Variants in KCNMB2 observed in about 807,000 individuals in gnomAD.
KCNMB2 encodes the protein potassium calcium-activated channel subfamily M regulatory beta subunit 2, also known as calcium-activated potassium channel subunit beta-2.
Under a neutral mutation model 24.5 loss-of-function variants are expected in KCNMB2, and 9 were observed. The observed-to-expected ratio is 0.37, with a 90% CI of 0.22 to 0.64. KCNMB2 has a LOEUF of 0.64. Among genes scored for constraint, KCNMB2 ranks in the 30% least tolerant of loss-of-function variants. The pLI, the probability that KCNMB2 is intolerant of heterozygous loss-of-function variation, is 0.63. For missense variants in KCNMB2, 226 were observed against 284.3 expected (o/e 0.79, Z 1.47); for synonymous variants, 109 against 104.4 (o/e 1.04, Z -0.27).
At chr3:178,582,541 C>A (rs1717254862) in intron 1 of KCNMB2, among the ~76,000 whole-genome samples, 1 of 152,012 alleles carries the variant, frequency 6.6e-6, no homozygotes, top group African/African-American at 2.4e-5. Context: ...AGGAGCATAA[C>A]AAATATTTTA....
intron 4 of KCNMB2, among the ~76,000 whole-genome samples, chr3:178,838,980 A>C (rs1715332158): frequency 6.6e-6 from 1 of 152,220 alleles, no homozygotes; most frequent in South Asian, 2.1e-4. Flanking sequence ...ACAGTGTTTC[A>C]ACTCACACTA....
At chr3:178,584,825 T>G (rs2108492949) in intron 1 of KCNMB2, among the ~76,000 whole-genome samples, 1 of 152,286 alleles carries the variant, frequency 6.6e-6, no homozygotes, top group Admixed American at 6.5e-5. Context: ...ATTCACTCTC[T>G]TGATAGAAAG....
chr3:178,731,399 C>T (rs1282762523), intron 1 of KCNMB2, among the ~76,000 whole-genome samples: 11 of 152,286 alleles, frequency 7.2e-5, no homozygotes, highest in Admixed American at 2.6e-4. Flanking sequence ...GTGTATTATA[C>T]GATAGTTAGC....
chr3:178,714,260 C>T, intron 1 of KCNMB2, among the ~76,000 whole-genome samples: 1 of 152,188 alleles, frequency 6.6e-6, no homozygotes, highest in African/African-American at 2.4e-5. Flanking sequence ...TTCCTTCAGA[C>T]CTGCTATGCA....
At chr3:178,828,401 T>TACA (rs1714919773) in intron 4 of KCNMB2, 28 bp downstream of exon 4, 1 of 1,559,066 alleles carries the variant, frequency 6.4e-7, no homozygotes, top group African/African-American at 1.4e-5. Context: ...TGCATTTCAG[T>TACA]TACCCCACAG....
intron 1 of KCNMB2, among the ~76,000 whole-genome samples, chr3:178,663,111 C>T (rs1720593192): frequency 1.3e-5 from 2 of 152,086 alleles, no homozygotes; most frequent in South Asian, 4.1e-4. Flanking sequence ...CTCCGTTGGT[C>T]CCTCATCTTC....
intron 1 of KCNMB2, among the ~76,000 whole-genome samples, chr3:178,604,006 C>T (rs1718188134): frequency 6.6e-6 from 1 of 152,086 alleles, no homozygotes; most frequent in Non-Finnish European, 1.5e-5. Context: ...AGCCGTTTCC[C>T]AGAGACACAG....
At position 178,728,104 on chromosome 3, in the gene KCNMB2, G is replaced by A. The variant is rs558288461; in HGVS notation, c.-67-79239G>A. ...TCATTAATCACCCAAAATTGTTGTT[G>A]CATCATCACTCACACCAGCCTCTGG... On this transcript the variant is annotated intron_variant, in intron 1 of 4. Transcript: ENST00000452583. Among the ~76,000 whole-genome samples the A allele has an allele frequency of 2.0e-5, 3 of 152,254 alleles. No individual in the cohort carries two copies. The South Asian group carries it at 6.2e-4, about 32-fold the overall frequency.
At chr3:178,666,875 C>T (rs12185938) in intron 1 of KCNMB2, among the ~76,000 whole-genome samples, 40,744 of 151,984 alleles carry the variant, frequency 0.27, 6,294 homozygotes, top group African/African-American at 0.42. Flanking sequence ...AGGGATTTGT[C>T]CCAGGACCCC....
rs572710916 is a variant in KCNMB2 at position 178,544,299 on chromosome 3, A to C, written c.-68+7588A>C. Among the ~76,000 whole-genome samples, 4 of 152,232 alleles carry C rather than the reference A, an allele frequency of 2.6e-5. No individual in the cohort carries two copies. In the East Asian group the frequency reaches 7.7e-4, roughly 29 times the overall value. On this transcript the variant is annotated intron_variant, in intron 1 of 4. Transcript: ENST00000452583. ...TCTCACCTCTTCTCTTTATATTCCC[A>C]GGCCCACATCAGATGCTCTTTCAGA...
At chr3:178,610,839 C>G (rs1465844144) in intron 1 of KCNMB2, among the ~76,000 whole-genome samples, 2 of 152,140 alleles carry the variant, frequency 1.3e-5, no homozygotes, top group Non-Finnish European at 2.9e-5. Context: ...CAGTTTTTCC[C>G]CACTTAATAT....
chr3:178,559,291 G>T (rs751098216), intron 1 of KCNMB2, among the ~76,000 whole-genome samples: 3 of 151,960 alleles, frequency 2.0e-5, no homozygotes, highest in Non-Finnish European at 4.4e-5. Flanking sequence ...TGATTCTAGT[G>T]CATATTTTCT....
At chr3:178,745,691 A>G (rs1419486573) in intron 1 of KCNMB2, among the ~76,000 whole-genome samples, 1 of 152,232 alleles carries the variant, frequency 6.6e-6, no homozygotes, top group Admixed American at 6.5e-5. Flanking sequence ...GTTACTTCCT[A>G]GATACAATGG....
intron 1 of KCNMB2, among the ~76,000 whole-genome samples, chr3:178,663,352 T>G (rs1207492903): frequency 6.6e-6 from 1 of 152,172 alleles, no homozygotes; most frequent in Admixed American, 6.6e-5. Context: ...AATATAAAAG[T>G]GTTCCAAGTT....
intron 1 of KCNMB2, among the ~76,000 whole-genome samples, chr3:178,643,588 A>C (rs1719804058): frequency 6.6e-6 from 1 of 152,132 alleles, no homozygotes; most frequent in Non-Finnish European, 1.5e-5. Flanking sequence ...TAATTATTTC[A>C]AGATATTGAT....
At chr3:178,722,402 T>C (rs1722835887) in intron 1 of KCNMB2, among the ~76,000 whole-genome samples, 1 of 152,178 alleles carries the variant, frequency 6.6e-6, no homozygotes, top group African/African-American at 2.4e-5. Flanking sequence ...TATCAAACTG[T>C]TGGCATCTGG....
intron 1 of KCNMB2, among the ~76,000 whole-genome samples, chr3:178,555,403 C>T (rs1478513579): frequency 6.6e-6 from 1 of 152,206 alleles, no homozygotes; most frequent in Non-Finnish European, 1.5e-5. Flanking sequence ...CTAGCTGTGT[C>T]ATCTTGGGCA....
chr3:178,671,737 A>G (rs548665254), intron 1 of KCNMB2, among the ~76,000 whole-genome samples: 8 of 152,318 alleles, frequency 5.3e-5, no homozygotes, highest in African/African-American at 1.7e-4. Context: ...CAAAGAGCCT[A>G]AGAACAGTTC....
At chr3:178,565,295 C>A (rs1716478317) in intron 1 of KCNMB2, among the ~76,000 whole-genome samples, 1 of 152,100 alleles carries the variant, frequency 6.6e-6, no homozygotes, top group African/African-American at 2.4e-5. Flanking sequence ...GAATAATGAA[C>A]CCAAAGTCAT....
Sources: allele counts gnomAD v4.1 joint callset (sites outside exome capture counted in the v4.1 genomes callset), GRCh38; gene constraint gnomAD v4.1.1; transcripts MANE v1.5; gene names NCBI Gene and HGNC (gene_info 2026-07-23, HGNC 2026-07-21).